ULK4: variants seen among roughly 807,000 people sequenced by gnomAD.
The protein encoded by ULK4 is inactive serine/threonine-protein kinase ULK4.
In ULK4, 133 loss-of-function variants were observed where a neutral mutation model predicts 160.6. The ratio of observed to expected loss-of-function variants is 0.83; its 90% CI spans 0.72 to 0.96. The LOEUF (loss-of-function observed/expected upper bound fraction) is 0.96, where lower values mean the gene tolerates loss of function less well. ULK4 is among the 40% of genes least tolerant of loss of function. The pLI, the probability that ULK4 is intolerant of heterozygous loss-of-function variation, is 0.00. For synonymous variants in ULK4, 534 were observed against 539.8 expected (o/e 0.99, Z 0.15); for missense variants, 1,580 against 1,499.5 (o/e 1.05, Z -0.89).
At chr3:41,744,913 A>C (rs2038367870) in intron 22 of ULK4, among the ~76,000 whole-genome samples, 1 of 151,788 alleles carries the variant, frequency 6.6e-6, no homozygotes, top group Non-Finnish European at 1.5e-5. Context: ...TAATGACAAC[A>C]GAAAAATCTC....
At chr3:41,473,490 C>T (rs1559629091) in intron 32 of ULK4, among the ~76,000 whole-genome samples, 1 of 151,472 alleles carries the variant, frequency 6.6e-6, no homozygotes, top group Non-Finnish European at 1.5e-5. Context: ...GGTGAAATCC[C>T]ATTTCTACTA....
intron 32 of ULK4, among the ~76,000 whole-genome samples, chr3:41,495,439 A>G (rs1286918000): frequency 1.3e-5 from 2 of 151,924 alleles, no homozygotes; most frequent in African/African-American, 4.8e-5. Context: ...AAGATGGATT[A>G]AAGACTTACA....
intron 34 of ULK4, among the ~76,000 whole-genome samples, chr3:41,445,995 A>C (rs1024482696): frequency 1.3e-3 from 204 of 152,102 alleles, no homozygotes; most frequent in Non-Finnish European, 2.2e-3. Flanking sequence ...GGCTAATATC[A>C]AGAATCTACA....
intron 35 of ULK4, among the ~76,000 whole-genome samples, chr3:41,358,773 G>A (rs1170456466): frequency 6.6e-6 from 1 of 152,142 alleles, no homozygotes; most frequent in Non-Finnish European, 1.5e-5. Context: ...ACTCCGAGAT[G>A]GACAGCCAGT....
At chr3:41,824,355 A>C (rs1324275020) in intron 18 of ULK4, among the ~76,000 whole-genome samples, 1 of 151,942 alleles carries the variant, frequency 6.6e-6, no homozygotes, top group African/African-American at 2.4e-5. Context: ...CATAAGACAA[A>C]GCAGGGTGAG....
At chr3:41,367,768 T>C (rs990567739) in intron 35 of ULK4, among the ~76,000 whole-genome samples, 4 of 152,230 alleles carry the variant, frequency 2.6e-5, no homozygotes, top group African/African-American at 9.6e-5. Flanking sequence ...ATTACTTCAA[T>C]GGAATTTTGT....
rs1227403416 is a variant in ULK4, at chr3:41,506,789, T to A, written c.3227-43536A>T. 8.6e-3 allele frequency among the ~76,000 whole-genome samples: 442 copies of A among 51,514 alleles called. 37 individuals are homozygous for A. The highest frequency in any genetic ancestry group is 0.014 in the African/African-American group (267 of 18,836). 33.8% of individuals were successfully genotyped at this position (51,514 alleles called of 152,430 possible). ...TAAAATATATATATATATATATATA[T>A]ATATATATATATATATATGAACATG... On this transcript the variant is annotated intron_variant, in intron 32 of 36. Coordinates refer to ENST00000301831, the MANE Select transcript of ULK4 (RefSeq NM_017886.4).
chr3:41,937,428 A>C, intron 3 of ULK4: 1 of 628,758 alleles, frequency 1.6e-6, no homozygotes, highest in South Asian at 1.8e-5. Flanking sequence ...AATATAAGTT[A>C]GATGCATAAA....
Position 41,896,943 on chromosome 3 carries a change from G to A in ULK4, c.1409C>T (p.Ser470Leu), listed in dbSNP as rs767374190. ...GCTCTTCTCAGTGGAGTCGATCTGC[G>A]AGCACACTTGTTGCAAAAAGTCATT... ...DWNDFLQQVC[S>L]QIDSTEKSMG... The change falls in exon 15 of 37, where the codon TCG (serine) becomes TTG (leucine). Residue 470 changes from serine (S) to leucine (L), a missense_variant. By Grantham distance (145) the Ser-to-Leu change is moderately radical (BLOSUM62 -2). Transcript: ENST00000301831. The A allele has an allele frequency of 6.2e-6, 10 of 1,613,262 alleles. No individual in the cohort carries two copies. The highest frequency in any genetic ancestry group is 6.8e-6 in the Non-Finnish European group (8 of 1,179,888).
At chr3:41,736,491 T>C (rs936654184) in intron 22 of ULK4, among the ~76,000 whole-genome samples, 2 of 152,016 alleles carry the variant, frequency 1.3e-5, no homozygotes, top group African/African-American at 4.8e-5. Context: ...AAATGTCTTC[T>C]TTTGAGAAGT....
At chr3:41,303,577 A>C (rs1363554677) in intron 35 of ULK4, among the ~76,000 whole-genome samples, 1 of 152,224 alleles carries the variant, frequency 6.6e-6, no homozygotes, top group African/African-American at 2.4e-5. Context: ...GATTATTCAC[A>C]AATGGAAGTG....
intron 17 of ULK4, among the ~76,000 whole-genome samples, chr3:41,879,873 T>C (rs1343528078): frequency 6.6e-6 from 1 of 152,172 alleles, no homozygotes; most frequent in East Asian, 1.9e-4. Context: ...TCCCAGCACT[T>C]TGGGAGGCTG....
intron 34 of ULK4, among the ~76,000 whole-genome samples, chr3:41,451,694 GA>G (rs757949289): frequency 1.3e-5 from 2 of 151,720 alleles, no homozygotes; most frequent in Non-Finnish European, 2.9e-5. Flanking sequence ...GCACCACGTA[GA>G]AAAAAAGTGC....
At chr3:41,777,733 T>C (rs1314717498) in intron 21 of ULK4, among the ~76,000 whole-genome samples, 2 of 130,864 alleles carry the variant, frequency 1.5e-5, no homozygotes, top group Non-Finnish European at 1.6e-5. Context: ...TTGAGCGGCT[T>C]TGAGTGAGAT....
intron 35 of ULK4, among the ~76,000 whole-genome samples, chr3:41,301,356 G>A (rs1266130576): frequency 6.6e-6 from 1 of 151,986 alleles, no homozygotes; most frequent in Admixed American, 6.6e-5. Context: ...TCACTATAAC[G>A]ACAGAATAGA....
At chr3:41,338,971 C>T (rs569063222) in intron 35 of ULK4, among the ~76,000 whole-genome samples, 36 of 152,032 alleles carry the variant, frequency 2.4e-4, no homozygotes, top group Admixed American at 9.2e-4. Context: ...TGCCCACCTA[C>T]TCTGGGGAGG....
chr3:41,591,705 G>C (rs763410598), intron 31 of ULK4, among the ~76,000 whole-genome samples: 1 of 151,984 alleles, frequency 6.6e-6, no homozygotes, highest in Admixed American at 6.6e-5. Flanking sequence ...TTAAAATAAC[G>C]TATGATCAGA....
At chr3:41,958,028 A>G (rs1196113847) in intron 1 of ULK4, among the ~76,000 whole-genome samples, 2 of 141,176 alleles carry the variant, frequency 1.4e-5, no homozygotes, top group South Asian at 2.5e-4. Context: ...TGGGCAACGA[A>G]GTGAGACCCT....
intron 34 of ULK4, among the ~76,000 whole-genome samples, chr3:41,453,265 T>A (rs1027925723): frequency 1.3e-5 from 2 of 152,126 alleles, no homozygotes; most frequent in Non-Finnish European, 2.9e-5. Flanking sequence ...CGCCTCACAC[T>A]CCTGGGCTCA....
Sources: gnomAD v4.1 joint callset for allele counts (sites outside exome capture counted in the v4.1 genomes callset) on GRCh38, gnomAD v4.1.1 for gene constraint, MANE v1.5 for transcripts, NCBI Gene and HGNC (gene_info 2026-07-23, HGNC 2026-07-21) for gene names.